BCAS3: variants seen among roughly 807,000 people sequenced by gnomAD.
BCAS3 encodes BCAS4/BCAS3 fusion.
In BCAS3, 53 loss-of-function variants were observed where a neutral mutation model predicts 116.1. That is an observed-to-expected ratio of 0.46 (90% CI 0.37 to 0.57). The LOEUF (loss-of-function observed/expected upper bound fraction) is 0.57, where lower values mean the gene tolerates loss of function less well. Ranked by LOEUF, BCAS3 falls within the 20% of genes least tolerant of loss-of-function variation. The pLI is 0.00. For missense variants in BCAS3, 917 were observed against 1,165.4 expected, an observed-to-expected ratio of 0.79 and a Z score of 3.10; for synonymous variants, 391 against 408.2, an observed-to-expected ratio of 0.96 and a Z score of 0.51.
At position 61,122,628 on chromosome 17, in the gene BCAS3, A is replaced by G. The variant is rs1462406305; in HGVS notation, c.2425+38064A>G. Reference sequence around the variant, plus strand: ...ATTTTGGCAGGTCAGAACAAACATTATCTTGCTCCCATATGTTTTTGTAGG... The same window carrying G: ...ATTTTGGCAGGTCAGAACAAACATTGTCTTGCTCCCATATGTTTTTGTAGG... On this transcript the variant is annotated intron_variant, in intron 22 of 23. Coordinates refer to ENST00000407086, the MANE Select transcript of BCAS3 (RefSeq NM_017679.5). This position sits in a 1 kb window ranked among gnomAD's most constrained non-coding sequence, Gnocchi z 4.6. Among the ~76,000 whole-genome samples, 3 of 152,228 alleles carry G rather than the reference A, an allele frequency of 2.0e-5. No individual in the cohort carries two copies. Among genetic ancestry groups the G allele is most frequent in the Admixed American group, 1.3e-4 (2 of 15,288 alleles).
intron 5 of BCAS3, among the ~76,000 whole-genome samples, chr17:60,726,534 G>A (rs1355782999): frequency 2.2e-5 from 3 of 136,312 alleles, no homozygotes; most frequent in African/African-American, 5.6e-5. Flanking sequence ...TTTTGAGACA[G>A]AGTCTCACTC....
At chr17:61,184,509 G>A (rs891161506) in intron 22 of BCAS3, among the ~76,000 whole-genome samples, 2 of 152,082 alleles carry the variant, frequency 1.3e-5, no homozygotes, top group African/African-American at 2.4e-5. Flanking sequence ...TTGTTTTGGG[G>A]AATGCAAAAT....
intron 7 of BCAS3, among the ~76,000 whole-genome samples, chr17:60,835,783 T>G (rs1319238595): frequency 6.6e-6 from 1 of 152,096 alleles, no homozygotes; most frequent in Non-Finnish European, 1.5e-5. Flanking sequence ...AAATGTACAA[T>G]ATTCATATTC....
rs1040970434 is a variant in BCAS3, at chr17:61,037,395, C to T, written c.1763-494C>T. Among the ~76,000 whole-genome samples, 2 of 152,212 alleles carry T rather than the reference C, an allele frequency of 1.3e-5. No homozygotes were observed. The highest frequency in any genetic ancestry group is 2.4e-5 in the African/African-American group (1 of 41,452). ...AGTAAGTTGCTTAAGATTGAAAATA[C>T]TCTGATATCATAGACATTTTCATAT... On this transcript the variant is annotated intron_variant, in intron 17 of 23. Transcript: ENST00000407086. This position sits in a 1 kb window ranked among gnomAD's most constrained non-coding sequence, Gnocchi z 4.7.
intron 22 of BCAS3, among the ~76,000 whole-genome samples, chr17:61,304,701 T>A (rs538591297): frequency 1.2e-4 from 18 of 151,996 alleles, no homozygotes; most frequent in Non-Finnish European, 1.8e-4. Context: ...GAATTGAACA[T>A]CCAACATGTC....
chr17:60,734,771 C>G (rs1047780465), intron 5 of BCAS3, among the ~76,000 whole-genome samples: 1 of 152,186 alleles, frequency 6.6e-6, no homozygotes, highest in African/African-American at 2.4e-5. Context: ...AGTGTTCTGA[C>G]TTTGCTTTCT....
rs959789766 is a variant in BCAS3, at chr17:61,363,323, T to A, written c.2426-5004T>A. On this transcript the variant is annotated intron_variant, in intron 22 of 23. Coordinates refer to ENST00000407086, the MANE Select transcript of BCAS3 (RefSeq NM_017679.5). This position sits in a 1 kb window ranked among gnomAD's most constrained non-coding sequence, Gnocchi z 4.9. The stretch of plus-strand genomic sequence containing the variant: ...TATGCCGTTAGAGTTTGAGCAAGAG[T>A]AGTCTTTATACCTTCGGTAGTTGAG... 6.6e-6 allele frequency among the ~76,000 whole-genome samples: 1 copy of A among 152,058 alleles called. No individual in the cohort carries two copies. Among genetic ancestry groups the A allele is most frequent in the African/African-American group, 2.4e-5 (1 of 41,394 alleles).
chr17:61,270,107 C>G (rs896385490), intron 22 of BCAS3, among the ~76,000 whole-genome samples: 22 of 129,794 alleles, frequency 1.7e-4, no homozygotes, highest in African/African-American at 5.9e-4. Context: ...GCATGGCCTT[C>G]TGCCATTTTT....
rs1261122793 is a variant in BCAS3 at position 61,352,603 on chromosome 17, C to T, written c.2426-15724C>T. ...GCCACAGCCTCGGAATCTCTTTACC[C>T]GTAGGCGCCACACTTGGCACACAAT... On this transcript the variant is annotated intron_variant, in intron 22 of 23. Coordinates refer to ENST00000407086, the MANE Select transcript of BCAS3 (RefSeq NM_017679.5). The surrounding 1 kb of genome is among the most constrained non-coding windows in gnomAD (Gnocchi z 4.7). Among the ~76,000 whole-genome samples, 3 of 152,136 alleles carry T rather than the reference C, an allele frequency of 2.0e-5. No individual in the cohort carries two copies. The highest frequency in any genetic ancestry group is 1.3e-4 in the Admixed American group (2 of 15,278).
chr17:60,720,124 C>A (rs1450707732), intron 5 of BCAS3: 1 of 151,630 alleles, frequency 6.6e-6, no homozygotes, highest in African/African-American at 2.4e-5. Flanking sequence ...GTTTAAATGG[C>A]AACTTAGTTT....
At chr17:60,749,153 G>A (rs544378585) in intron 6 of BCAS3, 3 of 152,156 alleles carry the variant, frequency 2.0e-5, no homozygotes, top group Admixed American at 2.0e-4. Flanking sequence ...GCTTTAATTC[G>A]TTATGGTGGA....
chr17:60,846,468 G>A (rs193124595), intron 7 of BCAS3, among the ~76,000 whole-genome samples: 5 of 152,232 alleles, frequency 3.3e-5, no homozygotes, highest in African/African-American at 4.8e-5. Context: ...AGCTGATGGC[G>A]TTTGTGAGTT....
At chr17:60,715,956 A>G (rs2038552851) in intron 5 of BCAS3, among the ~76,000 whole-genome samples, 1 of 151,404 alleles carries the variant, frequency 6.6e-6, no homozygotes, top group African/African-American at 2.4e-5. Flanking sequence ...TCTGCCTCCC[A>G]GTTTCAAGCA....
At chr17:60,728,553 C>T (rs1043593497) in intron 5 of BCAS3, among the ~76,000 whole-genome samples, 31 of 152,088 alleles carry the variant, frequency 2.0e-4, no homozygotes, top group African/African-American at 7.2e-4. Flanking sequence ...GATCTTGGCT[C>T]ACTGCAACCT....
intron 5 of BCAS3, among the ~76,000 whole-genome samples, chr17:60,723,780 G>A (rs1252557152): frequency 1.7e-4 from 23 of 136,392 alleles, no homozygotes. Context: ...GTGCAGTGGT[G>A]CGATCTCGGC....
chr17:61,130,239 A>G lies in BCAS3; in HGVS notation c.2425+45675A>G, dbSNP rs781396271. On this transcript the variant is annotated intron_variant, in intron 22 of 23. Transcript: ENST00000407086. The surrounding 1 kb of genome is among the most constrained non-coding windows in gnomAD (Gnocchi z 5.0). ...TTTTATACGTCTCATGCTTATTAAT[A>G]CTTAATAATAATTCCACAAGTATTT... 2.0e-5 allele frequency among the ~76,000 whole-genome samples: 3 copies of G among 152,244 alleles called. No homozygotes were observed. Among genetic ancestry groups the G allele is most frequent in the Non-Finnish European group, 4.4e-5 (3 of 68,050 alleles).
chr17:61,054,194 T>C (rs558805792), intron 19 of BCAS3, among the ~76,000 whole-genome samples: 4 of 152,368 alleles, frequency 2.6e-5, no homozygotes, highest in African/African-American at 9.6e-5. Flanking sequence ...CATTGAGTTT[T>C]TCTGTCATTG....
At chr17:60,689,969 A>G (rs923674338) in intron 4 of BCAS3, among the ~76,000 whole-genome samples, 8 of 152,236 alleles carry the variant, frequency 5.3e-5, no homozygotes, top group African/African-American at 1.4e-4. Context: ...ACAGTGTGTA[A>G]GTGTTAAACT....
In BCAS3 at chr17:61,028,370, A is replaced by C. The variant is rs1324777989; in HGVS notation, c.1638-6296A>C. Among the ~76,000 whole-genome samples, 2 of 151,884 alleles carry C rather than the reference A, an allele frequency of 1.3e-5. No homozygotes were observed. Among genetic ancestry groups the C allele is most frequent in the Non-Finnish European group, 3.0e-5 (2 of 67,788 alleles). On this transcript the variant is annotated intron_variant, in intron 16 of 23. Coordinates refer to ENST00000407086, the MANE Select transcript of BCAS3 (RefSeq NM_017679.5). The surrounding 1 kb of genome is among the most constrained non-coding windows in gnomAD (Gnocchi z 4.3). The stretch of plus-strand genomic sequence containing the variant: ...ATCTCATGAAAGTTGATCTTTATTC[A>C]TTTTGTTAACCAGATGTCTTCTAAA...
Sources: gnomAD v4.1 joint callset for allele counts (sites outside exome capture counted in the v4.1 genomes callset) on GRCh38, gnomAD v4.1.1 for gene constraint, Gnocchi (gnomAD v3.1) non-coding constraint, MANE v1.5 for transcripts, NCBI Gene and HGNC (gene_info 2026-07-23, HGNC 2026-07-21) for gene names.